PHF2: variants seen among roughly 807,000 people sequenced by gnomAD.
PHF2 encodes lysine-specific demethylase PHF2.
A neutral mutation model predicts 120.5 loss-of-function variants in PHF2; 27 were observed. The ratio of observed to expected loss-of-function variants is 0.22; its 90% CI spans 0.17 to 0.31. The LOEUF (loss-of-function observed/expected upper bound fraction) is 0.31, where lower values mean the gene tolerates loss of function less well. PHF2 is among the 10% of genes least tolerant of loss of function. The pLI is 1.00. For synonymous variants in PHF2, 568 were observed against 592.5 expected, an observed-to-expected ratio of 0.96 and a Z score of 0.60; for missense variants, 1,024 against 1,434.8, an observed-to-expected ratio of 0.71 and a Z score of 4.63.
At chr9:93,592,164 G>A (rs1351632778) in intron 1 of PHF2, among the ~76,000 whole-genome samples, 1 of 152,172 alleles carries the variant, frequency 6.6e-6, no homozygotes, top group East Asian at 1.9e-4. Flanking sequence ...GCACCTCCCA[G>A]GAGCCCTTTT....
In PHF2 at chr9:93,656,633, C is replaced by A; in HGVS notation, c.1147+38C>A. 1 of 1,456,192 alleles carries A rather than the reference C, an allele frequency of 6.9e-7. No homozygotes were observed. The highest frequency in any genetic ancestry group is 9.6e-7 in the Non-Finnish European group (1 of 1,039,338). 90.2% of individuals were successfully genotyped at this position (1,456,192 alleles called of 1,614,324 possible). A position where few individuals can be genotyped will look rare whatever the true frequency, so the allele number is the denominator to read the frequency against. On this transcript the variant is annotated intron_variant, in intron 9 of 21. Coordinates refer to ENST00000359246, the MANE Select transcript of PHF2 (RefSeq NM_005392.4). The surrounding 1 kb of genome is among the most constrained non-coding windows in gnomAD (Gnocchi z 4.1). ...CCGGGGTGGGCGTCCAAGCCTGGGG[C>A]TCTTGGCTGTGGGGGCAGCCAGACC...
At chr9:93,632,001 A>G (rs931432585) in intron 2 of PHF2, among the ~76,000 whole-genome samples, 1 of 151,942 alleles carries the variant, frequency 6.6e-6, no homozygotes, top group Non-Finnish European at 1.5e-5. Flanking sequence ...GGGTAGAGCA[A>G]TGGTGTGGTG....
At chr9:93,615,260 T>G (rs975707700) in intron 1 of PHF2, among the ~76,000 whole-genome samples, 7 of 148,962 alleles carry the variant, frequency 4.7e-5, no homozygotes, top group African/African-American at 1.7e-4. Flanking sequence ...GTGATGGTGA[T>G]GATTGGTGAT....
chr9:93,675,580 C>A, intron 19 of PHF2, 100 bp from the exon 20 acceptor site: 1 of 889,294 alleles, frequency 1.1e-6, no homozygotes, highest in South Asian at 1.5e-5. Context: ...CCTGCCTGGC[C>A]AGGGGGACAG....
chr9:93,636,470 G>A lies in PHF2; in HGVS notation c.244G>A (p.Val82Met), dbSNP rs141393410. 42 of 1,609,236 alleles carry A rather than the reference G, an allele frequency of 2.6e-5. No homozygotes were observed. The highest frequency in any genetic ancestry group is 3.1e-5 in the Non-Finnish European group (37 of 1,178,106). Residue 82 changes from valine to methionine, a missense_variant, in exon 3 of 22, where the codon GTG (valine) becomes ATG (methionine). Around this residue, in one of 2 missense-constraint regions of PHF2, gnomAD observed 347 missense variants for 577.4 expected, o/e 0.60. Transcript: ENST00000359246. ...GGGGCAAGCGCCTGACGTCAAGCCCGTGCAGAATGGCAGCCAGCTCTTCAT... is the reference window on the plus strand; with the variant it reads ...GGGGCAAGCGCCTGACGTCAAGCCCATGCAGAATGGCAGCCAGCTCTTCAT... ...GPGQAPDVKP[V>M]QNGSQLFIKE... is the part of the protein sequence containing the mutation.
At position 93,584,642 on chromosome 9, in the gene PHF2, C is replaced by T. The variant is rs77398150; in HGVS notation, c.98+7771C>T. Among the ~76,000 whole-genome samples, 157 of 152,296 alleles carry T rather than the reference C, an allele frequency of 1.0e-3. 6 individuals carry two copies. In the East Asian group the frequency reaches 0.029, roughly 28 times the overall value. On this transcript the variant is annotated intron_variant, in intron 1 of 21. Coordinates refer to ENST00000359246, the MANE Select transcript of PHF2 (RefSeq NM_005392.4). Reference sequence around the variant, plus strand: ...CAGTACCACACTGCTTTGATTACTGCAAAGTTGTAGTAAGTTTGAAAGCAG... The same window carrying T: ...CAGTACCACACTGCTTTGATTACTGTAAAGTTGTAGTAAGTTTGAAAGCAG...
intron 3 of PHF2, among the ~76,000 whole-genome samples, chr9:93,638,139 G>C (rs1381728553): frequency 7.2e-6 from 1 of 139,440 alleles, no homozygotes; most frequent in African/African-American, 2.7e-5. Context: ...TTTTTTTTTT[G>C]TTATTGAGTT....
At chr9:93,577,143 G>T (rs149596611) in intron 1 of PHF2, among the ~76,000 whole-genome samples, 19,030 of 149,336 alleles carry the variant, frequency 0.13, 2,688 homozygotes, top group African/African-American at 0.35. Context: ...GGTGGGCTCG[G>T]GGCTCGGGGC....
chr9:93,668,837 C>G (rs1587719085), intron 17 of PHF2, among the ~76,000 whole-genome samples: 1 of 152,248 alleles, frequency 6.6e-6, no homozygotes, highest in African/African-American at 2.4e-5. Context: ...GCCGGCCCCC[C>G]TCAGCCCGCT....
rs540840856 is a variant in PHF2, at chr9:93,663,121, G to A, written c.1818+95G>A. On this transcript the variant is annotated intron_variant, in intron 13 of 21. Transcript: ENST00000359246. Reference sequence around the variant, plus strand: ...TGAGGCCCTGTGTGTGTGAAGGAATGTGCAGACATGTGTCTGCTTGTCCTG... The same window carrying A: ...TGAGGCCCTGTGTGTGTGAAGGAATATGCAGACATGTGTCTGCTTGTCCTG... 14 of 1,516,970 alleles carry A rather than the reference G, an allele frequency of 9.2e-6. No individual in the cohort carries two copies. The South Asian group carries it at 1.5e-4, about 16-fold the overall frequency. 94.0% of individuals were successfully genotyped at this position (1,516,970 alleles called of 1,614,324 possible).
intron 14 of PHF2, 51 bp from the exon 15 acceptor site, chr9:93,665,635 G>T (rs763023274): frequency 4.4e-6 from 7 of 1,588,148 alleles, no homozygotes; most frequent in Non-Finnish European, 6.0e-6. Flanking sequence ...CTACCTGTCC[G>T]CTGGCTGTGG....
rs1336386241 is a variant in PHF2, at chr9:93,663,619, A to G, written c.1921A>G (p.Asn641Asp). ...KDNKFSFSFS[N>D]KKLLGSKALR... ...CAATAAGTTCTCTTTTTCTTTCTCC[A>G]ACAAGAAACTCCTCGGGTATGTGAG... is the stretch of plus-strand genomic sequence containing the variant. The change falls in exon 14 of 22, where the codon AAC becomes GAC. Residue 641 changes from asparagine (N) to aspartate (D), a missense_variant. Transcript: ENST00000359246. 1.9e-6 allele frequency: 3 copies of G among 1,610,602 alleles called. No homozygotes were observed. The highest frequency in any genetic ancestry group is 2.2e-5 in the East Asian group (1 of 44,860).
chr9:93,667,975 G>T (rs1437767403), intron 17 of PHF2, among the ~76,000 whole-genome samples: 2 of 152,232 alleles, frequency 1.3e-5, no homozygotes, highest in Non-Finnish European at 2.9e-5. Flanking sequence ...GGGCCATGCT[G>T]CTAGCTGCTC....
At chr9:93,612,349 A>T (rs189511138) in intron 1 of PHF2, among the ~76,000 whole-genome samples, 1 of 152,334 alleles carries the variant, frequency 6.6e-6, no homozygotes, top group African/African-American at 2.4e-5. Context: ...AGAATATGGG[A>T]GAATGCTTGT....
intron 1 of PHF2, among the ~76,000 whole-genome samples, chr9:93,621,912 G>A (rs1198310656): frequency 6.6e-6 from 1 of 152,162 alleles, no homozygotes. Context: ...CCTTAGAGCC[G>A]AGGTCTGGAG....
rs974429974 is a variant in PHF2 at position 93,632,266 on chromosome 9, C to T, written c.184+2211C>T. On this transcript the variant is annotated intron_variant, in intron 2 of 21. Coordinates refer to ENST00000359246, the MANE Select transcript of PHF2 (RefSeq NM_005392.4). ...GCTGCCCAGGGAGAGACATTCTAGA[C>T]TAGCAGACAGTGCTGAGGTTGCAGA... is the stretch of plus-strand genomic sequence containing the variant. 1.9e-4 allele frequency among the ~76,000 whole-genome samples: 29 copies of T among 152,204 alleles called. 2 individuals carry two copies. Among genetic ancestry groups the T allele is most frequent in the African/African-American group, 6.8e-4 (28 of 41,432 alleles).
At chr9:93,641,831 G>A (rs994709890) in intron 3 of PHF2, among the ~76,000 whole-genome samples, 2 of 152,124 alleles carry the variant, frequency 1.3e-5, no homozygotes, top group African/African-American at 4.8e-5. Context: ...TGTGCTTTTG[G>A]TATCACTGCT....
intron 1 of PHF2, among the ~76,000 whole-genome samples, chr9:93,582,923 T>C (rs1446137122): frequency 6.6e-6 from 1 of 152,228 alleles, no homozygotes; most frequent in Non-Finnish European, 1.5e-5. Flanking sequence ...GAAATTCATA[T>C]AAAATTAACC....
At chr9:93,596,144 G>A (rs1825327901) in intron 1 of PHF2, among the ~76,000 whole-genome samples, 1 of 152,148 alleles carries the variant, frequency 6.6e-6, no homozygotes, top group Admixed American at 6.5e-5. Context: ...TGGAGTGGGG[G>A]CTGTCCTGGG....
Sources: gnomAD v4.1 joint callset for allele counts (sites outside exome capture counted in the v4.1 genomes callset) on GRCh38, gnomAD v4.1.1 for gene constraint, gnomAD v4.1.1 regional missense constraint, Gnocchi (gnomAD v3.1) non-coding constraint, MANE v1.5 for transcripts, NCBI Gene and HGNC (gene_info 2026-07-23, HGNC 2026-07-21) for gene names.